The following PCDHGA4 variants were observed in gnomAD, a reference collection of about 807,000 sequenced individuals.
The protein encoded by PCDHGA4 is protocadherin gamma-A4.
A neutral mutation model predicts 54.6 loss-of-function variants in PCDHGA4; 38 were observed. The observed-to-expected ratio is 0.70, with a 90% confidence interval of 0.54 to 0.91. The LOEUF (loss-of-function observed/expected upper bound fraction) is 0.91. PCDHGA4 is among the 40% of genes least tolerant of loss of function. The probability of loss-of-function intolerance (pLI) is 0.00; values close to 1 mark genes in which losing one functional copy is unlikely to be tolerated. For missense variants in PCDHGA4, 1,298 were observed against 1,220.9 expected, an observed-to-expected ratio of 1.06 and a Z score of -0.94; for synonymous variants, 511 against 512.9, an observed-to-expected ratio of 1.00 and a Z score of 0.05.
At chr5:141,460,536 G>T (rs911670681) in intron 1 of PCDHGA4, among the ~76,000 whole-genome samples, 1 of 152,092 alleles carries the variant, frequency 6.6e-6, no homozygotes, top group African/African-American at 2.4e-5. Context: ...AATAATCTTA[G>T]CACCTTAATC....
rs372065725 is a variant in PCDHGA4 at position 141,371,830 on chromosome 5, C to G, written c.2514+14209C>G. On this transcript the variant is annotated intron_variant, in intron 1 of 3. Coordinates refer to ENST00000571252, the MANE Select transcript of PCDHGA4 (RefSeq NM_018917.4). ...ATTGCGCATGTCAGAGCCTCGGATC[C>G]CGACTTGGGACCTAATGGCCTTGTC... 51 of 1,613,696 alleles carry G rather than the reference C, an allele frequency of 3.2e-5. No homozygotes were observed. Among genetic ancestry groups the G allele is most frequent in the Non-Finnish European group, 4.0e-5 (47 of 1,179,912 alleles).
intron 1 of PCDHGA4, among the ~76,000 whole-genome samples, chr5:141,448,614 A>G (rs985924011): frequency 1.3e-5 from 2 of 152,070 alleles, no homozygotes; most frequent in East Asian, 1.9e-4. Flanking sequence ...ACCACTTTAT[A>G]TCTTCCTTTC....
At chr5:141,498,796 G>A (rs1160540093) in intron 2 of PCDHGA4, among the ~76,000 whole-genome samples, 1 of 152,032 alleles carries the variant, frequency 6.6e-6, no homozygotes, top group Non-Finnish European at 1.5e-5. Context: ...AGCCAGGTGT[G>A]GTGGTGCACA....
Position 141,400,031 on chromosome 5 carries a change from G to A in PCDHGA4, c.2514+42410G>A, listed in dbSNP as rs373709904. The A allele has an allele frequency of 2.2e-5, 36 of 1,612,964 alleles. No individual in the cohort carries two copies. In the African/African-American group the frequency reaches 4.5e-4, roughly 20 times the overall value. The stretch of plus-strand genomic sequence containing the variant: ...GCCTTGGGCGACAGGGACGCGGCCC[G>A]CCAGCGCCTGCTGGTTGCTGTGCGT... On this transcript the variant is annotated intron_variant, in intron 1 of 3. Coordinates refer to ENST00000571252, the MANE Select transcript of PCDHGA4 (RefSeq NM_018917.4).
chr5:141,402,949 A>C, intron 1 of PCDHGA4: 2 of 1,594,986 alleles, frequency 1.3e-6, no homozygotes, highest in South Asian at 1.1e-5. Flanking sequence ...AAAGCGAGGC[A>C]GCAATGGCAG....
chr5:141,417,627 G>C, intron 1 of PCDHGA4: 1 of 694,264 alleles, frequency 1.4e-6, no homozygotes, highest in Non-Finnish European at 2.3e-6. Flanking sequence ...AGCAAGCGCT[G>C]ACGCCGGGGA....
At chr5:141,433,040 A>G in intron 1 of PCDHGA4, 1 of 1,614,086 alleles carries the variant, frequency 6.2e-7, no homozygotes, top group Non-Finnish European at 8.5e-7. Flanking sequence ...TTCCCTCACC[A>G]CGGACTCGCG....
chr5:141,404,877 T>A (rs1242099855), intron 1 of PCDHGA4: 2 of 1,613,738 alleles, frequency 1.2e-6, no homozygotes, highest in Non-Finnish European at 1.7e-6. Flanking sequence ...AAACAGAGCC[T>A]TGTGGTGGCT....
At chr5:141,430,642 A>C in intron 1 of PCDHGA4, 2 of 918,498 alleles carry the variant, frequency 2.2e-6, no homozygotes, top group South Asian at 5.1e-5. Flanking sequence ...CCCTGGGAGT[A>C]TGTGGAAACA....
intron 1 of PCDHGA4, chr5:141,399,976 C>A (rs759278103): frequency 1.2e-6 from 2 of 1,612,122 alleles, no homozygotes; most frequent in African/African-American, 2.7e-5. Context: ...CAGCCTGGGG[C>A]TGCGCACAGG....
intron 1 of PCDHGA4, chr5:141,366,706 G>A (rs202189432): frequency 6.2e-7 from 1 of 1,614,124 alleles, no homozygotes; most frequent in African/African-American, 1.3e-5. Context: ...AGCCTCTTCT[G>A]ATGTCTGATA....
At chr5:141,372,454 A>C in intron 1 of PCDHGA4, 1 of 1,613,990 alleles carries the variant, frequency 6.2e-7, no homozygotes. Context: ...CCTCAGGCGG[A>C]GCTACAGTTT....
chr5:141,419,426 G>A (rs753089031), intron 1 of PCDHGA4: 19 of 1,613,194 alleles, frequency 1.2e-5, no homozygotes, highest in Non-Finnish European at 1.5e-5. Context: ...CTTCGACCAC[G>A]AGCAGCTGCG....
chr5:141,397,910 C>T lies in PCDHGA4; in HGVS notation c.2514+40289C>T. 5 of 680,806 alleles carry T rather than the reference C, an allele frequency of 7.3e-6. No individual in the cohort carries two copies. The South Asian group carries it at 8.1e-5, about 11-fold the overall frequency. 42.2% of individuals were successfully genotyped at this position (680,806 alleles called of 1,614,324 possible). On this transcript the variant is annotated intron_variant, in intron 1 of 3. Transcript: ENST00000571252. ...TGGCCAAAGTGCAGAGCTTGGCGCT[C>T]CAGATCTCCTCGCGCAGCCGCAGCG...
Position 141,418,262 on chromosome 5 carries a change from A to G in PCDHGA4, c.2514+60641A>G. On this transcript the variant is annotated intron_variant, in intron 1 of 3. Transcript: ENST00000571252. Reference sequence around the variant, plus strand: ...TAATGACCACGCCCCTCAATTCCGGAAAGATGAAATAAACTTAGAAATCAG... The same window carrying G: ...TAATGACCACGCCCCTCAATTCCGGGAAGATGAAATAAACTTAGAAATCAG... 2 of 1,614,068 alleles carry G rather than the reference A, an allele frequency of 1.2e-6. No homozygotes were observed. The highest frequency in any genetic ancestry group is 1.7e-6 in the Non-Finnish European group (2 of 1,179,902).
At chr5:141,360,235 C>G in intron 1 of PCDHGA4, 1 of 1,613,896 alleles carries the variant, frequency 6.2e-7, no homozygotes, top group Non-Finnish European at 8.5e-7. Context: ...AGTCCAGATC[C>G]GCTATTCAAT....
intron 1 of PCDHGA4, among the ~76,000 whole-genome samples, chr5:141,382,280 A>G (rs1218087661): frequency 6.6e-6 from 1 of 152,232 alleles, no homozygotes; most frequent in African/African-American, 2.4e-5. Context: ...TATGTGTTCA[A>G]TTAATACTGA....
chr5:141,371,934 G>A (rs1024560538), intron 1 of PCDHGA4: 3 of 1,613,324 alleles, frequency 1.9e-6, no homozygotes, highest in Admixed American at 3.3e-5. Context: ...GAGCGGGGTG[G>A]TGTTCGCGCA....
Position 141,491,382 on chromosome 5 carries a change from G to T in PCDHGA4, c.2515-3425G>T, listed in dbSNP as rs918558. 0.21 allele frequency: 331,798 copies of T among 1,613,774 alleles called. 36,318 individuals are homozygous for T. The highest frequency in any genetic ancestry group is 0.37 in the Admixed American group (22,359 of 60,012). ...TAGTCACCTTCACCTTTCTGTCAGC[G>T]AAGTGCCTTCAGGGAAACGCAGACG... is the stretch of plus-strand genomic sequence containing the variant. On this transcript the variant is annotated intron_variant, in intron 1 of 3. Transcript: ENST00000571252. This position sits in a 1 kb window ranked among gnomAD's most constrained non-coding sequence, Gnocchi z 6.9.
Sources: allele counts gnomAD v4.1 joint callset (sites outside exome capture counted in the v4.1 genomes callset), GRCh38; gene constraint gnomAD v4.1.1; non-coding constraint Gnocchi (gnomAD v3.1); transcripts MANE v1.5; gene names NCBI Gene and HGNC (gene_info 2026-07-23, HGNC 2026-07-21).